MCTP1: variants seen among roughly 807,000 people sequenced by gnomAD.
MCTP1 encodes the protein multiple C2 and transmembrane domain containing 1.
In MCTP1, 69 loss-of-function variants were observed where a neutral mutation model predicts 120.6. The ratio of observed to expected loss-of-function variants is 0.57; its 90% CI spans 0.47 to 0.70. MCTP1 has a LOEUF of 0.70. Ranked by LOEUF, MCTP1 falls within the 30% of genes least tolerant of loss-of-function variation. The pLI, the probability that MCTP1 is intolerant of heterozygous loss-of-function variation, is 0.00. For missense variants in MCTP1, 1,203 were observed against 1,248.8 expected, an observed-to-expected ratio of 0.96 and a Z score of 0.55; for synonymous variants, 529 against 493.1, an observed-to-expected ratio of 1.07 and a Z score of -0.96.
intron 1 of MCTP1, among the ~76,000 whole-genome samples, chr5:95,117,348 G>A (rs1034196116): frequency 1.4e-4 from 18 of 132,444 alleles, no homozygotes; most frequent in African/African-American, 4.3e-4. Context: ...CCAAGATTGC[G>A]CCACTGCACT....
chr5:94,784,495 C>A (rs751275477), intron 18 of MCTP1, among the ~76,000 whole-genome samples: 1 of 152,042 alleles, frequency 6.6e-6, no homozygotes, highest in African/African-American at 2.4e-5. Context: ...AGGACACCTA[C>A]TTCTCACAAG....
At chr5:95,014,000 C>T (rs189584210) in intron 2 of MCTP1, among the ~76,000 whole-genome samples, 1 of 152,034 alleles carries the variant, frequency 6.6e-6, no homozygotes, top group African/African-American at 2.4e-5. Flanking sequence ...GTGTCTCATG[C>T]TTGTATCCTC....
chr5:94,761,378 T>C (rs1481338309), intron 19 of MCTP1, among the ~76,000 whole-genome samples: 1 of 152,218 alleles, frequency 6.6e-6, no homozygotes, highest in African/African-American at 2.4e-5. Flanking sequence ...AATTCTTATC[T>C]ACAAGCAAGA....
chr5:94,835,336 C>T (rs1789493170), intron 17 of MCTP1, among the ~76,000 whole-genome samples: 1 of 152,168 alleles, frequency 6.6e-6, no homozygotes, highest in Non-Finnish European at 1.5e-5. Context: ...TCACAAAAGC[C>T]TGCAAAGTAG....
At chr5:95,208,582 A>G (rs1424920318) in intron 1 of MCTP1, among the ~76,000 whole-genome samples, 1 of 152,160 alleles carries the variant, frequency 6.6e-6, no homozygotes, top group Admixed American at 6.5e-5. Context: ...TTGAGGGTTT[A>G]AATAACATGA....
chr5:95,170,685 GATCT>G (rs1747142684), intron 1 of MCTP1, among the ~76,000 whole-genome samples: 1 of 152,026 alleles, frequency 6.6e-6, no homozygotes, highest in Admixed American at 6.6e-5. Context: ...TGTCTCTTTT[GATCT>G]TTGTTGGTTT....
Position 95,214,098 on chromosome 5 carries a change from T to A in MCTP1, c.720+69758A>T, listed in dbSNP as rs1270629742. On this transcript the variant is annotated intron_variant, in intron 1 of 22. Coordinates refer to ENST00000515393, the MANE Select transcript of MCTP1 (RefSeq NM_024717.7). ...AGGCAACCTACAGAATGGGAGAAAA[T>A]TTTGGCAACCTACTCATTTGACAAA... is the stretch of plus-strand genomic sequence containing the variant. Among the ~76,000 whole-genome samples, 8 of 152,368 alleles carry A rather than the reference T, an allele frequency of 5.3e-5. No homozygotes were observed. The East Asian group carries it at 1.5e-3, about 29-fold the overall frequency.
intron 18 of MCTP1, chr5:94,793,646 G>C (rs549075255): frequency 6.6e-6 from 1 of 152,352 alleles, no homozygotes; most frequent in African/African-American, 2.4e-5. Flanking sequence ...TGTATGTTCA[G>C]AGTGCTTTGC....
rs1176354306 is a variant in MCTP1, at chr5:95,284,538, G to T, written c.38C>A (p.Pro13Gln). The T allele has an allele frequency of 3.4e-6, 5 of 1,475,052 alleles. No individual in the cohort carries two copies. Among genetic ancestry groups the T allele is most frequent in the African/African-American group, 3.0e-5 (2 of 67,674 alleles). 91.4% of individuals were successfully genotyped at this position (1,475,052 alleles called of 1,614,324 possible). Residue 13 changes from proline (P) to glutamine (Q), a missense_variant, in exon 1 of 23, where the codon CCG (proline) becomes CAG (glutamine). This residue lies in a region of MCTP1 where 463 missense variants were observed against 377.8 expected (regional missense o/e 1.23). Transcript: ENST00000515393. The surrounding 1 kb of genome is among the most constrained non-coding windows in gnomAD (Gnocchi z 5.2). ...PRAAAAGEPE[P>Q]PAASSSFQAR... ...CTGGAAGGAGGAGGACGCCGCCGGC[G>T]GCTCTGGCTCGCCCGCCGCGGCAGC...
intron 17 of MCTP1, among the ~76,000 whole-genome samples, chr5:94,866,906 C>A (rs191267009): frequency 1.1e-3 from 163 of 151,872 alleles, no homozygotes; most frequent in African/African-American, 3.6e-3. Flanking sequence ...ACAAATAATA[C>A]AATTATATGC....
intron 1 of MCTP1, among the ~76,000 whole-genome samples, chr5:95,150,330 A>G (rs2152456931): frequency 6.6e-6 from 1 of 152,314 alleles, no homozygotes; most frequent in South Asian, 2.1e-4. Context: ...ACATTGGACT[A>G]TAACTTTTGC....
rs183994340 is a variant in MCTP1 at position 94,772,987 on chromosome 5, G to A, written c.2610+6123C>T. On this transcript the variant is annotated intron_variant, in intron 19 of 22. Transcript: ENST00000515393. The stretch of plus-strand genomic sequence containing the variant: ...TGGGTTGAACTAGATTATTTCTTGG[G>A]TACCCTCCAGTTGTAATGTTGCTAT... Among the ~76,000 whole-genome samples, 193 of 152,240 alleles carry A rather than the reference G, an allele frequency of 1.3e-3. 1 individual carries two copies. The highest frequency in any genetic ancestry group is 4.2e-3 in the African/African-American group (176 of 41,548).
rs191081872 is a variant in MCTP1 at position 95,071,740 on chromosome 5, T to C, written c.721-54256A>G. On this transcript the variant is annotated intron_variant, in intron 1 of 22. Transcript: ENST00000515393. ...ATGTTGTAGATTGAAAGTTTCACTCTGTGAAACTGTGGCCACTGCACAGAC... is the reference window on the plus strand; with the variant it reads ...ATGTTGTAGATTGAAAGTTTCACTCCGTGAAACTGTGGCCACTGCACAGAC... 4.6e-5 allele frequency among the ~76,000 whole-genome samples: 7 copies of C among 152,318 alleles called. No homozygotes were observed. The East Asian group carries it at 1.3e-3, about 29-fold the overall frequency.
At chr5:94,818,306 T>C (rs1784906307) in intron 17 of MCTP1, among the ~76,000 whole-genome samples, 2 of 152,198 alleles carry the variant, frequency 1.3e-5, no homozygotes, top group African/African-American at 4.8e-5. Flanking sequence ...CATTTAAACA[T>C]CTTGGTGTAA....
chr5:94,730,825 T>C (rs1762976830), intron 19 of MCTP1, among the ~76,000 whole-genome samples: 1 of 152,154 alleles, frequency 6.6e-6, no homozygotes, highest in Non-Finnish European at 1.5e-5. Context: ...TAGATACTTG[T>C]CACCATTTGG....
At chr5:94,799,789 G>A (rs908341458) in intron 17 of MCTP1, among the ~76,000 whole-genome samples, 1 of 152,092 alleles carries the variant, frequency 6.6e-6, no homozygotes, top group Non-Finnish European at 1.5e-5. Context: ...ACTTCTCCAA[G>A]TATATAAACT....
intron 11 of MCTP1, among the ~76,000 whole-genome samples, chr5:94,890,696 G>T (rs1802388014): frequency 6.6e-6 from 1 of 152,024 alleles, no homozygotes; most frequent in Non-Finnish European, 1.5e-5. Flanking sequence ...TAATAATGGT[G>T]GTGTTTTATA....
chr5:94,842,902 T>A (rs565153820), intron 17 of MCTP1, among the ~76,000 whole-genome samples: 1 of 152,174 alleles, frequency 6.6e-6, no homozygotes, highest in Non-Finnish European at 1.5e-5. Context: ...AAAATTATAA[T>A]AACATAAAAA....
chr5:95,284,485 C>G lies in MCTP1; in HGVS notation c.91G>C (p.Gly31Arg), dbSNP rs896550238. ...CCGCCGCCCTTGCTCCTGCCCACCC[C>G]CAGCTGCAGGTTCTTCCAGAGCCGG... is the stretch of plus-strand genomic sequence containing the variant. ...QARLWKNLQL[G>R]VGRSKGGGGG... Residue 31 changes from glycine to arginine, a missense_variant, in exon 1 of 23, where the codon GGG becomes CGG. Gly to Arg is a moderately radical substitution (Grantham distance 125). This residue lies in a region of MCTP1 where 463 missense variants were observed against 377.8 expected (regional missense o/e 1.23). Transcript: ENST00000515393. This position sits in a 1 kb window ranked among gnomAD's most constrained non-coding sequence, Gnocchi z 5.2. 71 of 1,513,394 alleles carry G rather than the reference C, an allele frequency of 4.7e-5. No homozygotes were observed. Among genetic ancestry groups the G allele is most frequent in the South Asian group, 2.6e-4 (21 of 81,726 alleles). The allele number at this position is 1,513,394 out of a possible 1,614,324, so 93.7% of individuals were successfully genotyped here.
Sources: allele counts gnomAD v4.1 joint callset (sites outside exome capture counted in the v4.1 genomes callset), GRCh38; gene constraint gnomAD v4.1.1; regional missense constraint gnomAD v4.1.1; non-coding constraint Gnocchi (gnomAD v3.1); transcripts MANE v1.5; gene names NCBI Gene and HGNC (gene_info 2026-07-23, HGNC 2026-07-21).